Variants in CENPI observed in about 807,000 individuals in gnomAD.
CENPI encodes centromere protein I, also known as FSH primary response 1.
CENPI carries 4 observed loss-of-function variants against 60.4 expected under a neutral mutation model. That is an observed-to-expected ratio of 0.07 (90% confidence interval 0.03 to 0.15). The LOEUF (loss-of-function observed/expected upper bound fraction) is 0.15, where lower values mean the gene tolerates loss of function less well. Among genes scored for constraint, CENPI ranks in the 10% least tolerant of loss-of-function variants. The pLI, the probability that CENPI is intolerant of heterozygous loss-of-function variation, is 1.00. For missense variants in CENPI, 444 were observed against 534.5 expected (o/e 0.83, Z 1.67); for synonymous variants, 157 against 189.4 (o/e 0.83, Z 1.40).
chrX:101,143,168 C>G (rs1302340423), intron 16 of CENPI, among the ~76,000 whole-genome samples: 3 of 109,822 alleles, frequency 2.7e-5, no homozygotes, highest in African/African-American at 9.9e-5. Flanking sequence ...CCTTGATTGC[C>G]TTGGCACTGA....
intron 15 of CENPI, among the ~76,000 whole-genome samples, chrX:101,136,769 G>A (rs1602819243): frequency 9.0e-6 from 1 of 111,585 alleles, no homozygotes; most frequent in East Asian, 2.8e-4. Context: ...TTTCCATAGA[G>A]TTGCAAACAT....
chrX:101,127,707 A>C (rs182113176), intron 11 of CENPI, 42 bp downstream of exon 11: 56 of 991,775 alleles, frequency 5.6e-5, no homozygotes, highest in Non-Finnish European at 7.3e-5. Context: ...TTTCTATTTG[A>C]ATTTCATGGC....
At chrX:101,139,110 T>C (rs1375707127) in intron 15 of CENPI, among the ~76,000 whole-genome samples, 1 of 94,228 alleles carries the variant, frequency 1.1e-5, no homozygotes, top group African/African-American at 4.0e-5. Flanking sequence ...TTTTTTTTTT[T>C]GAGACAGTGT....
chrX:101,130,211 ATC>A, intron 13 of CENPI, 138 bp downstream of exon 13: 1 of 413,752 alleles, frequency 2.4e-6, no homozygotes, highest in Non-Finnish European at 4.3e-6. Flanking sequence ...AGGCGGGTGG[ATC>A]ACTTGAGCCC....
At position 101,165,814 on chromosome X, in the gene CENPI, G is replaced by A. The variant is rs2090142026; in HGVS notation, c.*2847G>A. Among the ~76,000 whole-genome samples, 1 of 111,473 alleles carries A rather than the reference G, an allele frequency of 9.0e-6. No individual in the cohort carries two copies. Among genetic ancestry groups the A allele is most frequent in the Admixed American group, 9.5e-5 (1 of 10,479 alleles). ...GAAGAAAATGTTTCACAAAAGGAAG[G>A]TAGTATTGAATGGTGTGAAATGTTA... On this transcript the variant is annotated 3_prime_UTR_variant, in exon 22 of 22. Coordinates refer to ENST00000682095, the MANE Select transcript of CENPI (RefSeq NM_001386188.2).
chrX:101,133,900 G>A (rs1219458369), intron 15 of CENPI, among the ~76,000 whole-genome samples: 2 of 111,672 alleles, frequency 1.8e-5, no homozygotes, highest in South Asian at 3.7e-4. Context: ...ATATTCAGGG[G>A]AGGTAGAAGT....
At chrX:101,151,841 G>GA (rs1216298839) in intron 20 of CENPI, among the ~76,000 whole-genome samples, 14,442 of 60,132 alleles carry the variant, frequency 0.24, 1,095 homozygotes, top group Non-Finnish European at 0.3. Flanking sequence ...CTCAAAAAAA[G>GA]AAAAAAAAAA....
chrX:101,159,963 G>A (rs1399075546), intron 20 of CENPI, among the ~76,000 whole-genome samples: 1 of 112,562 alleles, frequency 8.9e-6, no homozygotes, highest in Non-Finnish European at 1.9e-5. Context: ...TTGGGGCTTG[G>A]TGTTCAGAAG....
rs2090123577 is a variant in CENPI, at chrX:101,162,870, C to T, written c.2174C>T (p.Ser725Leu). 8.3e-7 allele frequency: 1 copy of T among 1,210,147 alleles called. No individual in the cohort carries two copies. The highest frequency in any genetic ancestry group is 1.1e-6 in the Non-Finnish European group (1 of 894,174). The change falls in exon 22 of 22, where the codon TCA becomes TTA. Residue 725 changes from serine to leucine, a missense_variant. By Grantham distance (145) the Ser-to-Leu change is moderately radical. Transcript: ENST00000682095. The part of the protein sequence containing the change: ...KWSWYLDYLF[S>L]QGLQGLKLFI... ...AGCTGGTATTTGGACTATTTATTTT[C>T]ACAGGGGTTACAAGGCTTGAAACTT... is the stretch of plus-strand genomic sequence containing the variant.
intron 20 of CENPI, among the ~76,000 whole-genome samples, chrX:101,157,019 A>G (rs1469422974): frequency 9.0e-6 from 1 of 111,530 alleles, no homozygotes; most frequent in Non-Finnish European, 1.9e-5. Flanking sequence ...GTAGATATCC[A>G]GTAGTGGGAT....
intron 20 of CENPI, among the ~76,000 whole-genome samples, chrX:101,148,537 A>G (rs1602844802): frequency 8.9e-6 from 1 of 112,242 alleles, no homozygotes; most frequent in East Asian, 2.8e-4. Flanking sequence ...AAATCCTTCT[A>G]GACAAGATAG....
intron 6 of CENPI, among the ~76,000 whole-genome samples, chrX:101,116,599 G>A (rs1421208469): frequency 9.0e-6 from 1 of 111,676 alleles, no homozygotes; most frequent in Non-Finnish European, 1.9e-5. Context: ...CATTTGAGTT[G>A]TTCTCACTTT....
chrX:101,115,434 C>G (rs1421546451), intron 6 of CENPI, among the ~76,000 whole-genome samples: 1 of 110,839 alleles, frequency 9.0e-6, no homozygotes, highest in Non-Finnish European at 1.9e-5. Context: ...ACAAACACAG[C>G]TTTATTGAAA....
rs1320434771 is a variant in CENPI, at chrX:101,120,721, T to C, written c.641-17T>C. 2 of 1,202,120 alleles carry C rather than the reference T, an allele frequency of 1.7e-6. No individual in the cohort carries two copies. The highest frequency in any genetic ancestry group is 2.3e-6 in the Non-Finnish European group (2 of 887,985). The stretch of plus-strand genomic sequence containing the variant: ...TGAATCCAAATGCATAGTACGTCTT[T>C]CCTTTATGTTTTCTAGTCAAACCAT... On this transcript the variant is annotated splice_polypyrimidine_tract_variant and intron_variant, in intron 7 of 21. Transcript: ENST00000682095.
intron 20 of CENPI, among the ~76,000 whole-genome samples, chrX:101,153,526 G>A (rs1304901472): frequency 3.6e-5 from 4 of 110,831 alleles, no homozygotes; most frequent in Admixed American, 9.7e-5. Context: ...GGCTCAAATG[G>A]TCCATCCAGG....
chrX:101,133,314 T>G (rs778848673), intron 15 of CENPI, among the ~76,000 whole-genome samples: 2 of 98,206 alleles, frequency 2.0e-5, no homozygotes, highest in South Asian at 9.9e-4. Context: ...GACTTCAGTT[T>G]GAATTTTTTT....
downstream of CENPI, among the ~76,000 whole-genome samples, chrX:101,166,804 G>A (rs1486712492): frequency 8.9e-6 from 1 of 112,467 alleles, no homozygotes; most frequent in African/African-American, 3.2e-5. Flanking sequence ...TCTGTTGCCA[G>A]GCTGGAGTGC....
At position 101,137,196 on chromosome X, in the gene CENPI, A is replaced by G. The variant is rs185801718; in HGVS notation, c.1471-3470A>G. 2.8e-4 allele frequency among the ~76,000 whole-genome samples: 32 copies of G among 112,585 alleles called. No individual in the cohort carries two copies. In the East Asian group the frequency reaches 8.6e-3, roughly 30 times the overall value. On this transcript the variant is annotated intron_variant, in intron 15 of 21. Coordinates refer to ENST00000682095, the MANE Select transcript of CENPI (RefSeq NM_001386188.2). ...CCAAAATGTTGGGATTACAGGCGCG[A>G]GCCACTATACCTGGCCTCTATTATT... is the stretch of plus-strand genomic sequence containing the variant.
intron 4 of CENPI, among the ~76,000 whole-genome samples, chrX:101,109,183 C>T (rs976384927): frequency 2.0e-5 from 2 of 100,043 alleles, no homozygotes; most frequent in Admixed American, 1.2e-4. Context: ...TGGGTTCAAG[C>T]GATTCTCCTG....
Sources: allele counts gnomAD v4.1 joint callset (sites outside exome capture counted in the v4.1 genomes callset), GRCh38; gene constraint gnomAD v4.1.1; transcripts MANE v1.5; gene names NCBI Gene and HGNC (gene_info 2026-07-23, HGNC 2026-07-21).